Variants in RNASEH2B observed in about 807,000 individuals in gnomAD.
The protein encoded by RNASEH2B is Aicardi-Goutieres syndrome 2 protein.
In RNASEH2B, 36 loss-of-function variants were observed where a neutral mutation model predicts 45.0. That is an observed-to-expected ratio of 0.80 (90% CI 0.61 to 1.06). The LOEUF (loss-of-function observed/expected upper bound fraction) is 1.06, where lower values mean the gene tolerates loss of function less well. RNASEH2B is among the 50% of genes least tolerant of loss of function. The pLI, the probability that RNASEH2B is intolerant of heterozygous loss-of-function variation, is 0.00. For synonymous variants in RNASEH2B, 119 were observed against 125.7 expected (o/e 0.95, Z 0.35); for missense variants, 361 against 360.3 (o/e 1.00, Z -0.02).
At chr13:50,969,232 G>A (rs1952194357) in intron 9 of RNASEH2B, among the ~76,000 whole-genome samples, 1 of 152,146 alleles carries the variant, frequency 6.6e-6, no homozygotes, top group African/African-American at 2.4e-5. Context: ...ACTGAATTCT[G>A]GGGAGTGGGT....
chr13:50,961,814 T>C (rs1448754277), intron 9 of RNASEH2B, among the ~76,000 whole-genome samples: 1 of 152,106 alleles, frequency 6.6e-6, no homozygotes, highest in Non-Finnish European at 1.5e-5. Flanking sequence ...TATTTATCTA[T>C]GTGTGTGGTT....
At chr13:50,924,175 C>G (rs889496467) in intron 1 of RNASEH2B, among the ~76,000 whole-genome samples, 2 of 152,082 alleles carry the variant, frequency 1.3e-5, no homozygotes, top group Non-Finnish European at 2.9e-5. Flanking sequence ...CTTATCCTAC[C>G]TTATCCATAA....
rs2137952274 is a variant in RNASEH2B, at chr13:50,934,894, C to T, written c.331C>T (p.Gln111Ter). Residue 111 changes from glutamine (Q) to a stop codon, truncating the protein, a stop_gained, in exon 5 of 11, where the codon CAG (glutamine) becomes TAG (stop). Transcript: ENST00000336617. LOFTEE classifies it high-confidence loss of function. ...CTAACTGTTTTTTCAGGGGAAGTTT[C>T]AGCCCCTTGATCAAGTTGTGGTGGA... ...LIKADKEGKF[Q>*]PLDQVVVDNV... 3.7e-6 allele frequency: 6 copies of T among 1,610,830 alleles called. No homozygotes were observed. The highest frequency in any genetic ancestry group is 3.4e-6 in the Non-Finnish European group (4 of 1,177,376).
At chr13:50,947,058 A>G (rs1026517189) in intron 7 of RNASEH2B, among the ~76,000 whole-genome samples, 2 of 152,152 alleles carry the variant, frequency 1.3e-5, no homozygotes, top group Non-Finnish European at 2.9e-5. Flanking sequence ...ACTGAGGCAA[A>G]TTGTTACTTT....
chr13:50,945,597 A>G (rs1365550206), intron 7 of RNASEH2B, 65 bp downstream of exon 7: 4 of 1,034,252 alleles, frequency 3.9e-6, no homozygotes, highest in African/African-American at 3.2e-5. Flanking sequence ...GTAAATGCCT[A>G]TCTTAGGATT....
At chr13:50,931,643 C>T (rs1314630695) in intron 4 of RNASEH2B, among the ~76,000 whole-genome samples, 2 of 152,084 alleles carry the variant, frequency 1.3e-5, no homozygotes, top group South Asian at 2.1e-4. Context: ...GAAAAATATG[C>T]GGCCCCATAC....
intron 10 of RNASEH2B, chr13:50,956,036 TG>T (rs1031468982): frequency 1.6e-5 from 4 of 249,404 alleles, no homozygotes; most frequent in Non-Finnish European, 3.1e-5. Flanking sequence ...AATTGCGGCC[TG>T]TGTCAGTTCC....
intron 2 of RNASEH2B, 88 bp downstream of exon 2, chr13:50,927,566 C>T (rs1332411575): frequency 3.5e-6 from 3 of 866,064 alleles, no homozygotes; most frequent in Non-Finnish European, 4.0e-6. Flanking sequence ...CTTGCTCTTT[C>T]TGAATAGCTT....
At chr13:50,944,365 G>A (rs1951871905) in intron 6 of RNASEH2B, among the ~76,000 whole-genome samples, 1 of 152,000 alleles carries the variant, frequency 6.6e-6, no homozygotes, top group African/African-American at 2.4e-5. Context: ...AGTCATGTTT[G>A]TCTGCATGTT....
At chr13:50,941,390 G>A (rs1951831659) in intron 5 of RNASEH2B, 1 of 152,210 alleles carries the variant, frequency 6.6e-6, no homozygotes, top group Admixed American at 6.5e-5. Context: ...CCCCTTCTTA[G>A]AGAATAATTC....
At chr13:50,941,024 G>C (rs188082345) in intron 5 of RNASEH2B, 1 of 152,238 alleles carries the variant, frequency 6.6e-6, no homozygotes, top group Non-Finnish European at 1.5e-5. Flanking sequence ...TTCGAAGATG[G>C]GGACAAATCA....
chr13:50,930,715 C>A lies in RNASEH2B; in HGVS notation c.277C>A (p.Pro93Thr), dbSNP rs763646959. 6.2e-7 allele frequency: 1 copy of A among 1,613,854 alleles called. No individual in the cohort carries two copies. Among genetic ancestry groups the A allele is most frequent in the South Asian group, 1.1e-5 (1 of 91,082 alleles). The part of the protein sequence containing the change: ...GLLHFATPVD[P>T]LFLLLHYLIK... ...TCTCCATTTTGCCACACCTGTGGAT[C>A]CTCTATTTCTGCTTCTCCACTACCT... The change falls in exon 4 of 11, where the codon CCT (proline) becomes ACT (threonine). Residue 93 changes from proline (P) to threonine (T), a missense_variant. Physicochemically the swap from Pro to Thr is conservative, Grantham distance 38. Transcript: ENST00000336617.
chr13:50,929,951 T>C (rs1476411202), intron 3 of RNASEH2B, among the ~76,000 whole-genome samples: 1 of 152,250 alleles, frequency 6.6e-6, no homozygotes, highest in Non-Finnish European at 1.5e-5. Flanking sequence ...GATACTGATA[T>C]GGCTTCTAAC....
chr13:50,930,089 T>G (rs1409724427), intron 3 of RNASEH2B: 2 of 216,624 alleles, frequency 9.2e-6, no homozygotes, highest in African/African-American at 4.7e-5. Context: ...GGTGTTCCCT[T>G]AATTTGGGGG....
chr13:50,911,161 C>T (rs960018591), intron 1 of RNASEH2B: 3 of 152,218 alleles, frequency 2.0e-5, no homozygotes, highest in African/African-American at 7.2e-5. Context: ...TCCAATAACG[C>T]CTCATGCCTG....
At chr13:50,942,907 T>C (rs1951850474) in intron 5 of RNASEH2B, 1 of 165,320 alleles carries the variant, frequency 6.0e-6, no homozygotes. Flanking sequence ...TGGCATTCTT[T>C]TGATCAGCCT....
Position 50,909,968 on chromosome 13 carries a change from C to G in RNASEH2B, c.-109C>G, listed in dbSNP as rs1246501184. Reference sequence around the variant, plus strand: ...CTCCTCCCGGGCGCTGCCGGTCCCTCAGCGCGCCGCGCCACCCGGAACAGA... The same window carrying G: ...CTCCTCCCGGGCGCTGCCGGTCCCTGAGCGCGCCGCGCCACCCGGAACAGA... On this transcript the variant is annotated 5_prime_UTR_variant, in exon 1 of 11. Transcript: ENST00000336617. The G allele has an allele frequency of 5.1e-6, 5 of 972,426 alleles. No homozygotes were observed. The highest frequency in any genetic ancestry group is 6.6e-5 in the East Asian group (2 of 30,482). The allele number at this position is 972,426 out of a possible 1,614,324, so 60.2% of individuals were successfully genotyped here.
chr13:50,937,039 T>G (rs1951762296), intron 5 of RNASEH2B: 1 of 152,132 alleles, frequency 6.6e-6, no homozygotes, highest in African/African-American at 2.4e-5. Context: ...TTTCTTTATT[T>G]TTAAGTGATG....
intron 2 of RNASEH2B, among the ~76,000 whole-genome samples, chr13:50,929,251 A>G (rs1340164679): frequency 6.6e-6 from 1 of 152,142 alleles, no homozygotes; most frequent in Non-Finnish European, 1.5e-5. Flanking sequence ...TGCACTTTCT[A>G]ATTTTTTGGT....
Sources: allele counts gnomAD v4.1 joint callset (sites outside exome capture counted in the v4.1 genomes callset), GRCh38; gene constraint gnomAD v4.1.1; transcripts MANE v1.5; gene names NCBI Gene and HGNC (gene_info 2026-07-23, HGNC 2026-07-21).